The following C12orf60 variants were observed in gnomAD, a reference collection of about 807,000 sequenced individuals.
C12orf60 encodes chromosome 12 open reading frame 60, also known as uncharacterized protein C12orf60.
For missense variants in C12orf60, 284 were observed against 283.2 expected (o/e 1.00, Z -0.02); for synonymous variants, 102 against 94.6 (o/e 1.08, Z -0.45).
intron 1 of C12orf60, among the ~76,000 whole-genome samples, chr12:14,813,222 T>C (rs1950167795): frequency 6.6e-6 from 1 of 152,212 alleles, no homozygotes; most frequent in African/African-American, 2.4e-5. Flanking sequence ...AAACCTCTGA[T>C]GTTTAGTCGT....
rs943874214 is a variant in C12orf60, at chr12:14,807,769, ATAAAT to A, written c.-25+4026_-25+4030del. ...TGATTATTCTCCATTTGCAAAGCTT[ATAAAT>A]TAAATTATTTAGAATAGTCTAAATA... On this transcript the variant is annotated intron_variant, in intron 1 of 1. Coordinates refer to ENST00000330828, the MANE Select transcript of C12orf60 (RefSeq NM_175874.4). 5.9e-5 allele frequency among the ~76,000 whole-genome samples: 9 copies of A among 152,332 alleles called. No homozygotes were observed. The South Asian group carries it at 6.2e-4, about 11-fold the overall frequency.
chr12:14,819,778 G>A (rs1322586029), intron 1 of C12orf60, among the ~76,000 whole-genome samples: 7 of 151,918 alleles, frequency 4.6e-5, no homozygotes, highest in Non-Finnish European at 7.4e-5. Flanking sequence ...TTCTTGTTTA[G>A]TTTGATTTTT....
At chr12:14,807,123 T>C (rs776916649) in intron 1 of C12orf60, among the ~76,000 whole-genome samples, 2 of 152,242 alleles carry the variant, frequency 1.3e-5, no homozygotes, top group Non-Finnish European at 2.9e-5. Context: ...TGAGCCACTG[T>C]GCCCGCCCTC....
At chr12:14,806,324 G>A in intron 1 of C12orf60, 1 of 1,614,172 alleles carries the variant, frequency 6.2e-7, no homozygotes, top group East Asian at 2.2e-5. Context: ...CTCCCAGGAT[G>A]ACCGAAATAA....
intron 1 of C12orf60, among the ~76,000 whole-genome samples, chr12:14,807,566 G>C (rs1950072813): frequency 6.6e-6 from 1 of 152,010 alleles, no homozygotes. Flanking sequence ...ATCTCTACAG[G>C]CAAGTTATTT....
At chr12:14,817,124 C>G (rs1469498558) in intron 1 of C12orf60, among the ~76,000 whole-genome samples, 1 of 152,060 alleles carries the variant, frequency 6.6e-6, no homozygotes, top group Non-Finnish European at 1.5e-5. Flanking sequence ...TCATACATAT[C>G]AAAGGACTAA....
intron 1 of C12orf60, among the ~76,000 whole-genome samples, chr12:14,815,959 G>A (rs189820304): frequency 1.3e-4 from 20 of 152,314 alleles, no homozygotes; most frequent in Non-Finnish European, 2.6e-4. Flanking sequence ...ATAATTATCA[G>A]AGAAAAACTA....
chr12:14,809,500 A>G (rs1950104238), intron 1 of C12orf60, among the ~76,000 whole-genome samples: 1 of 152,190 alleles, frequency 6.6e-6, no homozygotes, highest in Non-Finnish European at 1.5e-5. Flanking sequence ...AGACCCTTCT[A>G]TCTGTTTAAT....
chr12:14,821,760 G>A (rs183405149), intron 1 of C12orf60, among the ~76,000 whole-genome samples: 6 of 151,922 alleles, frequency 3.9e-5, no homozygotes, highest in African/African-American at 1.2e-4. Context: ...CTTTCCTGGT[G>A]TTCTGGCTAG....
intron 1 of C12orf60, among the ~76,000 whole-genome samples, chr12:14,813,054 G>C (rs2137269250): frequency 6.6e-6 from 1 of 152,310 alleles, no homozygotes; most frequent in South Asian, 2.1e-4. Context: ...GTGGGGTAGG[G>C]TTATAGAGGA....
intron 1 of C12orf60, among the ~76,000 whole-genome samples, chr12:14,811,447 A>G (rs1185019778): frequency 2.6e-5 from 4 of 152,148 alleles, no homozygotes; most frequent in African/African-American, 7.2e-5. Flanking sequence ...AAGTTTGGAA[A>G]TTTTTGACTT....
At position 14,803,676 on chromosome 12, in the gene C12orf60, A is replaced by G. The variant is rs1430403268; in HGVS notation, c.-100A>G. On this transcript the variant is annotated 5_prime_UTR_variant, in exon 1 of 2. Transcript: ENST00000330828. Reference sequence around the variant, plus strand: ...ATCTAGTACAATAGGAATTAGAAGAAGATAGCTGCTAACTGAGTGGCTGAC... The same window carrying G: ...ATCTAGTACAATAGGAATTAGAAGAGGATAGCTGCTAACTGAGTGGCTGAC... The G allele has an allele frequency of 5.1e-6, 2 of 392,880 alleles. No homozygotes were observed. The highest frequency in any genetic ancestry group is 4.4e-5 in the Admixed American group (1 of 22,536). 24.3% of individuals were successfully genotyped at this position (392,880 alleles called of 1,614,324 possible).
intron 1 of C12orf60, among the ~76,000 whole-genome samples, chr12:14,804,123 T>C (rs999452669): frequency 6.6e-6 from 1 of 152,184 alleles, no homozygotes; most frequent in African/African-American, 2.4e-5. Context: ...AATACGGGGA[T>C]ACATATGCAG....
chr12:14,810,975 G>A (rs1950127099), intron 1 of C12orf60, among the ~76,000 whole-genome samples: 1 of 152,176 alleles, frequency 6.6e-6, no homozygotes, highest in South Asian at 2.1e-4. Context: ...GTGCCCGAGA[G>A]GAGTTCTGAG....
intron 1 of C12orf60, chr12:14,806,837 C>T (rs909694535): frequency 1.4e-5 from 11 of 803,840 alleles, no homozygotes; most frequent in African/African-American, 5.2e-5. Context: ...GAACACTCAA[C>T]AAGTTTTTTT....
intron 1 of C12orf60, among the ~76,000 whole-genome samples, chr12:14,822,267 GCTGCC>G (rs1219014443): frequency 4.7e-5 from 7 of 150,536 alleles, no homozygotes; most frequent in Non-Finnish European, 8.8e-5. Flanking sequence ...CTAATTCCAG[GCTGCC>G]CTAGAGCCCA....
intron 1 of C12orf60, among the ~76,000 whole-genome samples, chr12:14,810,974 A>T (rs1431971586): frequency 6.6e-6 from 1 of 152,210 alleles, no homozygotes; most frequent in African/African-American, 2.4e-5. Flanking sequence ...TGTGCCCGAG[A>T]GGAGTTCTGA....
chr12:14,823,324 G>T lies in C12orf60; in HGVS notation c.389G>T (p.Ser130Ile). Residue 130 changes from serine to isoleucine, a missense_variant, in exon 2 of 2, where the codon AGT becomes ATT. By Grantham distance (142) the Ser-to-Ile change is moderately radical. Coordinates refer to ENST00000330828, the MANE Select transcript of C12orf60 (RefSeq NM_175874.4). Reference protein sequence around the residue: ...TPVIISVLNSSNILGSLESSL... With the variant: ...TPVIISVLNSINILGSLESSL... ...GTCATCATCTCTGTGCTAAACAGCA[G>T]TAACATCCTTGGGAGTCTGGAATCT... is the stretch of plus-strand genomic sequence containing the variant. 6.2e-7 allele frequency: 1 copy of T among 1,614,132 alleles called. No homozygotes were observed.
intron 1 of C12orf60, among the ~76,000 whole-genome samples, chr12:14,820,046 A>C (rs1482626604): frequency 6.6e-6 from 1 of 152,084 alleles, no homozygotes; most frequent in Non-Finnish European, 1.5e-5. Context: ...TTTCTTTAAG[A>C]AATATAGGTT....
Sources: allele counts gnomAD v4.1 joint callset (sites outside exome capture counted in the v4.1 genomes callset), GRCh38; gene constraint gnomAD v4.1.1; transcripts MANE v1.5; gene names NCBI Gene and HGNC (gene_info 2026-07-23, HGNC 2026-07-21).